Variants in MTUS2 observed in about 807,000 individuals in gnomAD.
The protein encoded by MTUS2 is microtubule associated scaffold protein 2, also known as microtubule-associated tumor suppressor candidate 2.
Under a neutral mutation model 114.1 loss-of-function variants are expected in MTUS2, and 40 were observed. The ratio of observed to expected loss-of-function variants is 0.35; its 90% CI spans 0.27 to 0.46. The LOEUF (loss-of-function observed/expected upper bound fraction) is 0.46. MTUS2 is among the 20% of genes least tolerant of loss of function. The pLI is 1.00. For synonymous variants in MTUS2, 688 were observed against 672.0 expected (o/e 1.02, Z -0.37); for missense variants, 1,679 against 1,705.4 (o/e 0.98, Z 0.27).
intron 6 of MTUS2, among the ~76,000 whole-genome samples, chr13:29,289,730 G>A (rs1394334523): frequency 6.6e-6 from 1 of 152,134 alleles, no homozygotes; most frequent in African/African-American, 2.4e-5. Flanking sequence ...CTCCCAAAGT[G>A]CTGGGATTAC....
At chr13:28,876,879 A>G (rs1877967309) in intron 2 of MTUS2, among the ~76,000 whole-genome samples, 1 of 152,222 alleles carries the variant, frequency 6.6e-6, no homozygotes, top group Non-Finnish European at 1.5e-5. Context: ...TTGTTGATAA[A>G]TATTTATTAA....
intron 5 of MTUS2, among the ~76,000 whole-genome samples, chr13:29,274,347 T>G (rs1028077699): frequency 6.6e-6 from 1 of 152,158 alleles, no homozygotes; most frequent in Non-Finnish European, 1.5e-5. Context: ...CCTGACCTTG[T>G]GATCTGCCTG....
intron 4 of MTUS2, among the ~76,000 whole-genome samples, chr13:29,080,220 A>C (rs1343627100): frequency 1.3e-5 from 2 of 152,130 alleles, no homozygotes; most frequent in African/African-American, 2.4e-5. Context: ...AGGTAATTTG[A>C]ATTTGTAGTA....
chr13:29,338,387 G>C (rs1901194541), intron 7 of MTUS2, among the ~76,000 whole-genome samples: 1 of 151,940 alleles, frequency 6.6e-6, no homozygotes, highest in Non-Finnish European at 1.5e-5. Context: ...AGGAATTGAA[G>C]ACCAGCCTGG....
intron 4 of MTUS2, among the ~76,000 whole-genome samples, chr13:29,067,836 C>A (rs1307201795): frequency 6.6e-6 from 1 of 152,056 alleles, no homozygotes; most frequent in African/African-American, 2.4e-5. Flanking sequence ...AGGTCACATG[C>A]AGAAGGGTGG....
Position 29,026,122 on chromosome 13 carries a change from C to G in MTUS2, c.1424C>G (p.Ser475Cys). 3 of 1,614,032 alleles carry G rather than the reference C, an allele frequency of 1.9e-6. No individual in the cohort carries two copies. The highest frequency in any genetic ancestry group is 2.5e-6 in the Non-Finnish European group (3 of 1,179,894). The change falls in exon 3 of 16, where the codon TCT becomes TGT. Residue 475 changes from serine to cysteine, a missense_variant. Physicochemically the swap from Ser to Cys is moderately radical, Grantham distance 112 (BLOSUM62 -1). Coordinates refer to ENST00000612955, the MANE Select transcript of MTUS2 (RefSeq NM_001033602.4). ...DSVMVLVFNPSVGENKTEVPE... is the reference protein window; with the variant it reads ...DSVMVLVFNPCVGENKTEVPE... ...GTTATGGTTTTGGTGTTCAATCCTT[C>G]TGTTGGAGAGAACAAGACGGAGGTG...
At chr13:29,479,831 G>A (rs1044316411) in intron 9 of MTUS2, among the ~76,000 whole-genome samples, 4 of 152,138 alleles carry the variant, frequency 2.6e-5, no homozygotes, top group African/African-American at 7.2e-5. Context: ...TGTGGACCAC[G>A]GACCTTGTGA....
intron 6 of MTUS2, among the ~76,000 whole-genome samples, chr13:29,311,951 G>A (rs1422540466): frequency 6.6e-6 from 1 of 152,072 alleles, no homozygotes; most frequent in Non-Finnish European, 1.5e-5. Context: ...AATGTAGGCT[G>A]GGCTCAAAAA....
intron 7 of MTUS2, among the ~76,000 whole-genome samples, chr13:29,352,974 A>AGC (rs201544657): frequency 6.6e-6 from 1 of 152,064 alleles, no homozygotes; most frequent in Non-Finnish European, 1.5e-5. Context: ...TAGCTTCTTA[A>AGC]ATATACGAAA....
chr13:29,246,555 C>G (rs1274679236), intron 5 of MTUS2, among the ~76,000 whole-genome samples: 1 of 152,230 alleles, frequency 6.6e-6, no homozygotes, highest in Non-Finnish European at 1.5e-5. Flanking sequence ...GGAAAAACCA[C>G]AGACCTACCA....
intron 2 of MTUS2, among the ~76,000 whole-genome samples, chr13:28,916,530 G>T (rs1449847765): frequency 6.6e-6 from 1 of 151,376 alleles, no homozygotes; most frequent in Non-Finnish European, 1.5e-5. Context: ...ATAATTTTTA[G>T]ATGTTTTATT....
intron 5 of MTUS2, among the ~76,000 whole-genome samples, chr13:29,157,494 A>G (rs1381342072): frequency 3.3e-5 from 5 of 152,156 alleles, no homozygotes; most frequent in South Asian, 2.1e-4. Context: ...GTTTGTGTCA[A>G]CGTTGACCCA....
chr13:29,315,498 G>A (rs572538509), intron 6 of MTUS2, among the ~76,000 whole-genome samples: 2 of 152,278 alleles, frequency 1.3e-5, no homozygotes, highest in African/African-American at 4.8e-5. Context: ...GGTATGCAAA[G>A]AATGAAAAGG....
chr13:29,441,599 G>A (rs952834019), intron 9 of MTUS2, among the ~76,000 whole-genome samples: 11 of 152,040 alleles, frequency 7.2e-5, no homozygotes, highest in Non-Finnish European at 1.6e-4. Flanking sequence ...TCAAAGACCC[G>A]TGTTGAGAGT....
At chr13:29,384,161 C>A (rs1278108659) in intron 8 of MTUS2, among the ~76,000 whole-genome samples, 2 of 152,130 alleles carry the variant, frequency 1.3e-5, no homozygotes, top group Non-Finnish European at 2.9e-5. Flanking sequence ...GAAAGGTAGA[C>A]AATAAGGGGA....
intron 1 of MTUS2, among the ~76,000 whole-genome samples, chr13:28,827,712 G>A (rs1043232260): frequency 3.3e-5 from 5 of 152,064 alleles, no homozygotes; most frequent in African/African-American, 1.2e-4. Flanking sequence ...TGGGTGTCTG[G>A]GGGAGACATC....
At position 29,505,321 on chromosome 13, in the gene MTUS2, GGCT is replaced by G. The variant is rs1883161150; in HGVS notation, c.*2120_*2122del. 1 of 231,790 alleles carries G rather than the reference GGCT, an allele frequency of 4.3e-6. No homozygotes were observed. Among genetic ancestry groups the G allele is most frequent in the African/African-American group, 2.2e-5 (1 of 45,322 alleles). 14.4% of individuals were successfully genotyped at this position (231,790 alleles called of 1,614,324 possible). A position where few individuals can be genotyped will look rare whatever the true frequency, so the allele number is the denominator to read the frequency against. On this transcript the variant is annotated 3_prime_UTR_variant, in exon 16 of 16. Coordinates refer to ENST00000612955, the MANE Select transcript of MTUS2 (RefSeq NM_001033602.4). The stretch of plus-strand genomic sequence containing the variant: ...TGCTAGAACGTGGTACAGTGTATTA[GGCT>G]GCTGTGGTCAGAGTTGTAGCATCGT...
Position 29,100,766 on chromosome 13 carries a change from G to A in MTUS2, c.2447-7G>A, listed in dbSNP as rs769028354. On this transcript the variant is annotated splice_region_variant and splice_polypyrimidine_tract_variant and intron_variant, in intron 4 of 15. Transcript: ENST00000612955. Reference sequence around the variant, plus strand: ...TAATTTTTTAATTTTATTTGGGTTCGTTTTAGCAGATTTAAAGAAAGCTTC... The same window carrying A: ...TAATTTTTTAATTTTATTTGGGTTCATTTTAGCAGATTTAAAGAAAGCTTC... The A allele has an allele frequency of 3.4e-5, 53 of 1,550,686 alleles. No homozygotes were observed. Among genetic ancestry groups the A allele is most frequent in the Admixed American group, 1.2e-4 (6 of 50,758 alleles).
In MTUS2 at chr13:29,167,933, G is replaced by A. The variant is rs372956484; in HGVS notation, c.2644+66963G>A. Among the ~76,000 whole-genome samples the A allele has an allele frequency of 2.2e-4, 33 of 152,230 alleles. 1 individual carries two copies. Among genetic ancestry groups the A allele is most frequent in the Non-Finnish European group, 3.7e-4 (25 of 68,018 alleles). On this transcript the variant is annotated intron_variant, in intron 5 of 15. Coordinates refer to ENST00000612955, the MANE Select transcript of MTUS2 (RefSeq NM_001033602.4). ...CTGAAATAAATAGGAGTACATGACA[G>A]GCAAGAGGAAAGCAAAACCAATGTT...
Sources: gnomAD v4.1 joint callset for allele counts (sites outside exome capture counted in the v4.1 genomes callset) on GRCh38, gnomAD v4.1.1 for gene constraint, MANE v1.5 for transcripts, NCBI Gene and HGNC (gene_info 2026-07-23, HGNC 2026-07-21) for gene names.